Variants in SUSD4 observed in about 807,000 individuals in gnomAD.
SUSD4 encodes the protein sushi domain-containing protein 4.
SUSD4 carries 41 observed loss-of-function variants against 50.5 expected under a neutral mutation model. The ratio of observed to expected loss-of-function variants is 0.81; its 90% CI spans 0.63 to 1.05. The LOEUF is 1.05. Ranked by LOEUF, SUSD4 falls within the 50% of genes least tolerant of loss-of-function variation. The pLI, the probability that SUSD4 is intolerant of heterozygous loss-of-function variation, is 0.00. For missense variants in SUSD4, 580 were observed against 634.7 expected, an observed-to-expected ratio of 0.91 and a Z score of 0.93; for synonymous variants, 257 against 257.3, an observed-to-expected ratio of 1.00 and a Z score of 0.01.
chr1:223,309,605 T>C (rs1441296437), intron 2 of SUSD4, among the ~76,000 whole-genome samples: 2 of 152,146 alleles, frequency 1.3e-5, no homozygotes, highest in Non-Finnish European at 2.9e-5. Context: ...TTATATTTAA[T>C]TTAGAGAAAT....
rs1659736709 is a variant in SUSD4, at chr1:223,229,300, C to T, written c.813G>A (p.Glu271=). The change falls in exon 6 of 9, where the codon GAG becomes GAA. Residue 271 remains glutamate (E), a synonymous_variant. Coordinates refer to ENST00000366878, the MANE Select transcript of SUSD4 (RefSeq NM_017982.4). The surrounding 1 kb of genome is among the most constrained non-coding windows in gnomAD (Gnocchi z 4.7). ...GGCTGTAGCCAGGATCGCAGTAAAA[C>T]TCCACCACAGTTCCGTGGTTGTAGC... ...CERYNHGTVV[E]FYCDPGYSLT... 1 of 1,613,320 alleles carries T rather than the reference C, an allele frequency of 6.2e-7. No homozygotes were observed. Among genetic ancestry groups the T allele is most frequent in the Non-Finnish European group, 8.5e-7 (1 of 1,179,366 alleles).
At chr1:223,235,061 GGGA>G in intron 5 of SUSD4, 1 of 1,607,940 alleles carries the variant, frequency 6.2e-7, no homozygotes. Flanking sequence ...CCTGATGTGT[GGGA>G]AATAAAGGAC....
At chr1:223,263,586 A>G in intron 5 of SUSD4, 4 of 985,364 alleles carry the variant, frequency 4.1e-6, no homozygotes, top group Non-Finnish European at 4.8e-6. Context: ...ACCAATGGGA[A>G]GGGCTGGCCT....
intron 3 of SUSD4, among the ~76,000 whole-genome samples, chr1:223,277,252 A>G (rs991017187): frequency 6.6e-6 from 1 of 152,186 alleles, no homozygotes; most frequent in African/African-American, 2.4e-5. Flanking sequence ...GGTCTATGGG[A>G]GCCAAAATAT....
intron 5 of SUSD4, among the ~76,000 whole-genome samples, chr1:223,238,374 C>T (rs1216710952): frequency 1.3e-5 from 2 of 151,720 alleles, no homozygotes; most frequent in Admixed American, 6.6e-5. Context: ...TATTTCTTTT[C>T]TTCTGCTTAC....
chr1:223,343,268 C>A (rs1667855081), intron 2 of SUSD4, among the ~76,000 whole-genome samples: 1 of 152,148 alleles, frequency 6.6e-6, no homozygotes, highest in Non-Finnish European at 1.5e-5. Flanking sequence ...TCCTTGAGCA[C>A]CCCGCCCAGC....
In SUSD4 at chr1:223,284,294, T is replaced by C. The variant is rs184200473; in HGVS notation, c.361+8145A>G. Among the ~76,000 whole-genome samples the C allele has an allele frequency of 4.8e-4, 73 of 152,274 alleles. 1 individual carries two copies. The highest frequency in any genetic ancestry group is 6.8e-3 in the Middle Eastern group (2 of 294). On this transcript the variant is annotated intron_variant, in intron 3 of 8. Coordinates refer to ENST00000366878, the MANE Select transcript of SUSD4 (RefSeq NM_017982.4). The stretch of plus-strand genomic sequence containing the variant: ...ATTTGGTAACGAGATCCAACCCTAA[T>C]TGGGTATGGGCCTGGGGCCATTATA...
At chr1:223,263,745 C>A (rs1662285138) in intron 5 of SUSD4, 1 of 985,328 alleles carries the variant, frequency 1.0e-6, no homozygotes, top group African/African-American at 1.7e-5. Flanking sequence ...GACTTCCTCC[C>A]ACACAGAGGT....
chr1:223,356,923 C>T (rs1470163156), intron 2 of SUSD4, among the ~76,000 whole-genome samples: 1 of 152,152 alleles, frequency 6.6e-6, no homozygotes, highest in African/African-American at 2.4e-5. Context: ...GCAAACTGTA[C>T]TTGTCAAGTG....
intron 5 of SUSD4, chr1:223,234,784 C>A: frequency 1.2e-6 from 1 of 826,272 alleles, no homozygotes; most frequent in East Asian, 3.3e-5. Context: ...AGTCCCACCT[C>A]TGAGATACAC....
At chr1:223,329,284 C>T (rs763618547) in intron 2 of SUSD4, among the ~76,000 whole-genome samples, 51 of 152,316 alleles carry the variant, frequency 3.3e-4, no homozygotes, top group Non-Finnish European at 5.9e-4. Flanking sequence ...TTCATTTCTA[C>T]TCAAGTTGTC....
At chr1:223,228,188 T>C (rs2102997160) in intron 6 of SUSD4, among the ~76,000 whole-genome samples, 1 of 152,266 alleles carries the variant, frequency 6.6e-6, no homozygotes, top group East Asian at 1.9e-4. Context: ...GGGACCCCTG[T>C]TCCACAGCTC....
chr1:223,271,881 G>C (rs1662945376), intron 3 of SUSD4, among the ~76,000 whole-genome samples: 1 of 152,126 alleles, frequency 6.6e-6, no homozygotes, highest in African/African-American at 2.4e-5. Context: ...CATCAATTCT[G>C]AAGTCTCAAA....
Position 223,229,097 on chromosome 1 carries a change from G to A in SUSD4, c.916+100C>T, listed in dbSNP as rs1046329987. On this transcript the variant is annotated intron_variant, in intron 6 of 8. Transcript: ENST00000366878. This position sits in a 1 kb window ranked among gnomAD's most constrained non-coding sequence, Gnocchi z 4.7. The stretch of plus-strand genomic sequence containing the variant: ...CGATATCCTGTTCCTGACACTGGGT[G>A]GGGGAGGAGAGATACAGCTTGGTAC... 18 of 1,204,804 alleles carry A rather than the reference G, an allele frequency of 1.5e-5. No homozygotes were observed. Among genetic ancestry groups the A allele is most frequent in the Non-Finnish European group, 2.1e-5 (18 of 857,764 alleles). 74.6% of individuals were successfully genotyped at this position (1,204,804 alleles called of 1,614,324 possible).
At chr1:223,288,886 A>G (rs932566553) in intron 3 of SUSD4, among the ~76,000 whole-genome samples, 1 of 152,248 alleles carries the variant, frequency 6.6e-6, no homozygotes, top group Non-Finnish European at 1.5e-5. Flanking sequence ...TTGCAGCAAG[A>G]GCTTCAGTGA....
intron 2 of SUSD4, among the ~76,000 whole-genome samples, chr1:223,344,637 C>T (rs1241488893): frequency 6.6e-6 from 1 of 152,020 alleles, no homozygotes; most frequent in Non-Finnish European, 1.5e-5. Context: ...TCAGTCTGGT[C>T]ACAGTGAGAC....
intron 2 of SUSD4, among the ~76,000 whole-genome samples, chr1:223,341,513 C>A (rs1448691263): frequency 6.7e-6 from 1 of 150,066 alleles, no homozygotes; most frequent in African/African-American, 2.5e-5. Flanking sequence ...GAGTGGGAAG[C>A]AGAAGGGGCC....
In SUSD4 at chr1:223,231,870, G is replaced by A. The variant is rs897169290; in HGVS notation, c.725-2482C>T. Among the ~76,000 whole-genome samples, 1 of 152,296 alleles carries A rather than the reference G, an allele frequency of 6.6e-6. No homozygotes were observed. Among genetic ancestry groups the A allele is most frequent in the African/African-American group, 2.4e-5 (1 of 41,546 alleles). On this transcript the variant is annotated intron_variant, in intron 5 of 8. Transcript: ENST00000366878. The surrounding 1 kb of genome is among the most constrained non-coding windows in gnomAD (Gnocchi z 4.2). ...AGCGCTGTTGTACGCTCAGGAGGCC[G>A]GCATCTTCTCTGGGACAGGAGCCCC...
chr1:223,274,395 A>G (rs1418153), intron 3 of SUSD4, among the ~76,000 whole-genome samples: 1 of 152,208 alleles, frequency 6.6e-6, no homozygotes, highest in East Asian at 1.9e-4. Flanking sequence ...CTTTGTGAGC[A>G]GGGCTGGTCC....
Sources: gnomAD v4.1 joint callset for allele counts (sites outside exome capture counted in the v4.1 genomes callset) on GRCh38, gnomAD v4.1.1 for gene constraint, Gnocchi (gnomAD v3.1) non-coding constraint, MANE v1.5 for transcripts, NCBI Gene and HGNC (gene_info 2026-07-23, HGNC 2026-07-21) for gene names.